Variants in KDM5B observed in about 807,000 individuals in gnomAD.
KDM5B encodes the protein lysine-specific demethylase 5B.
In KDM5B, 144 loss-of-function variants were observed where a neutral mutation model predicts 193.4. That is an observed-to-expected ratio of 0.74 (90% CI 0.65 to 0.86). The LOEUF is 0.86. Among genes scored for constraint, KDM5B ranks in the 40% least tolerant of loss-of-function variants. KDM5B has a pLI of 0.00. For synonymous variants in KDM5B, 668 were observed against 682.6 expected, an observed-to-expected ratio of 0.98 and a Z score of 0.33; for missense variants, 1,833 against 1,886.9, an observed-to-expected ratio of 0.97 and a Z score of 0.53.
At chr1:202,777,153 T>C in intron 1 of KDM5B, 59 bp from the exon 2 acceptor site, 1 of 1,374,266 alleles carries the variant, frequency 7.3e-7, no homozygotes, top group Non-Finnish European at 1.0e-6. Context: ...ATTCAAAAAT[T>C]TGTTTTAAAA....
At chr1:202,771,433 G>A (rs967739465) in intron 4 of KDM5B, among the ~76,000 whole-genome samples, 2 of 150,814 alleles carry the variant, frequency 1.3e-5, no homozygotes, top group African/African-American at 4.9e-5. Flanking sequence ...TAAATGCGGG[G>A]TTTTGCCATG....
rs1654731081 is a variant in KDM5B at position 202,727,919 on chromosome 1, C to T, written c.*1117G>A. ...TTTGAGGATTGAAGTGATTTGCCAA[C>T]ATTCTGAGAAAGCTTATTTTAAAAG... On this transcript the variant is annotated 3_prime_UTR_variant, in exon 27 of 27. Transcript: ENST00000367265. The T allele has an allele frequency of 6.5e-6, 1 of 152,688 alleles. No individual in the cohort carries two copies. The highest frequency in any genetic ancestry group is 2.1e-4 in the South Asian group (1 of 4,836). 9.5% of individuals were successfully genotyped at this position (152,688 alleles called of 1,614,324 possible).
At chr1:202,799,853 G>A (rs1188016855) in intron 1 of KDM5B, among the ~76,000 whole-genome samples, 3 of 152,110 alleles carry the variant, frequency 2.0e-5, no homozygotes, top group African/African-American at 7.2e-5. Flanking sequence ...CTGCCTGGTG[G>A]CATCTCCTAT....
chr1:202,778,671 G>A (rs955396029), intron 1 of KDM5B, among the ~76,000 whole-genome samples: 5 of 152,130 alleles, frequency 3.3e-5, no homozygotes, highest in African/African-American at 1.2e-4. Context: ...CACCCAGGCT[G>A]GAGTACAATG....
chr1:202,767,525 G>C, intron 4 of KDM5B: 1 of 653,590 alleles, frequency 1.5e-6, no homozygotes, highest in Non-Finnish European at 2.7e-6. Flanking sequence ...GGTGTGCAAG[G>C]ACTGAAAGGA....
At chr1:202,729,256 G>C in intron 26 of KDM5B, 83 bp from the exon 27 acceptor site, 1 of 1,514,232 alleles carries the variant, frequency 6.6e-7, no homozygotes, top group South Asian at 1.2e-5. Context: ...AGAAATTCAG[G>C]CCGTTTGCCA....
intron 1 of KDM5B, among the ~76,000 whole-genome samples, chr1:202,790,255 C>T (rs539509090): frequency 1.4e-5 from 2 of 138,718 alleles, no homozygotes; most frequent in African/African-American, 5.0e-5. Context: ...AACAGTGAAA[C>T]TGTCTCATAA....
Position 202,739,951 on chromosome 1 carries a change from G to C in KDM5B, c.3084+723C>G, listed in dbSNP as rs548382605. 2.6e-5 allele frequency among the ~76,000 whole-genome samples: 4 copies of C among 152,102 alleles called. No homozygotes were observed. The South Asian group carries it at 8.3e-4, about 32-fold the overall frequency. The stretch of plus-strand genomic sequence containing the variant: ...TCCCCCCTTTCTATTCCACAAAACC[G>C]CCATTGTCATCCCGGCCCGTTCTCA... On this transcript the variant is annotated intron_variant, in intron 20 of 26. Transcript: ENST00000367265.
chr1:202,747,582 A>C (rs1055690030), intron 14 of KDM5B, among the ~76,000 whole-genome samples: 31 of 151,936 alleles, frequency 2.0e-4, no homozygotes, highest in African/African-American at 3.1e-4. Flanking sequence ...AAAAAAAAAA[A>C]AAAACAGTAT....
At chr1:202,757,006 A>G (rs1322783049) in intron 9 of KDM5B, among the ~76,000 whole-genome samples, 4 of 151,890 alleles carry the variant, frequency 2.6e-5, no homozygotes, top group East Asian at 1.9e-4. Context: ...AGTGGTCGCC[A>G]GTGTCCCTGT....
At chr1:202,807,538 G>A (rs1041751116) in intron 1 of KDM5B, among the ~76,000 whole-genome samples, 16 of 152,072 alleles carry the variant, frequency 1.1e-4, no homozygotes, top group African/African-American at 3.1e-4. Context: ...AGGGTGGGGC[G>A]CCCAGGTGAG....
chr1:202,805,775 C>T (rs1010031684), intron 1 of KDM5B, among the ~76,000 whole-genome samples: 2 of 152,170 alleles, frequency 1.3e-5, no homozygotes, highest in South Asian at 2.1e-4. Flanking sequence ...AGCCTTTGTT[C>T]CAACAAGACC....
intron 1 of KDM5B, among the ~76,000 whole-genome samples, chr1:202,784,532 C>T (rs937811917): frequency 6.6e-6 from 1 of 152,194 alleles, no homozygotes; most frequent in African/African-American, 2.4e-5. Context: ...TAAAAGACCA[C>T]TTTCTCATCA....
At chr1:202,730,250 A>G (rs369321171) in intron 25 of KDM5B, among the ~76,000 whole-genome samples, 5 of 152,320 alleles carry the variant, frequency 3.3e-5, no homozygotes, top group African/African-American at 1.2e-4. Context: ...CCAAAGGATC[A>G]CTGGAAAAAG....
intron 2 of KDM5B, among the ~76,000 whole-genome samples, chr1:202,776,456 C>G (rs930980428): frequency 6.6e-6 from 1 of 151,996 alleles, no homozygotes; most frequent in South Asian, 2.1e-4. Flanking sequence ...GCAGGAGGAT[C>G]GCTTCAGCCC....
rs1032139949 is a variant in KDM5B at position 202,727,865 on chromosome 1, T to C, written c.*1171A>G. 1 of 152,622 alleles carries C rather than the reference T, an allele frequency of 6.6e-6. No homozygotes were observed. Among genetic ancestry groups the C allele is most frequent in the African/African-American group, 2.4e-5 (1 of 41,446 alleles). 9.5% of individuals were successfully genotyped at this position (152,622 alleles called of 1,614,324 possible). A position where few individuals can be genotyped will look rare whatever the true frequency, so the allele number is the denominator to read the frequency against. ...AGTTCCCCTGTCAATTCAAATATAA[T>C]AAAGGCAGCATTCCACAAGGAAGAC... On this transcript the variant is annotated 3_prime_UTR_variant, in exon 27 of 27. Coordinates refer to ENST00000367265, the MANE Select transcript of KDM5B (RefSeq NM_006618.5).
At chr1:202,777,578 C>G (rs146419605) in intron 1 of KDM5B, among the ~76,000 whole-genome samples, 7 of 152,142 alleles carry the variant, frequency 4.6e-5, no homozygotes, top group African/African-American at 1.7e-4. Context: ...GTGGAAACCT[C>G]TGCCTCCTGA....
chr1:202,799,601 C>T (rs979642495), intron 1 of KDM5B, among the ~76,000 whole-genome samples: 2 of 150,180 alleles, frequency 1.3e-5, no homozygotes, highest in South Asian at 2.1e-4. Flanking sequence ...TGCGGTGAGC[C>T]GAGATCACGC....
At chr1:202,731,318 C>T (rs1192361922) in intron 24 of KDM5B, among the ~76,000 whole-genome samples, 1 of 152,156 alleles carries the variant, frequency 6.6e-6, no homozygotes, top group Non-Finnish European at 1.5e-5. Context: ...TCTCATTTAC[C>T]TTATTGCTAA....
Sources: allele counts gnomAD v4.1 joint callset (sites outside exome capture counted in the v4.1 genomes callset), GRCh38; gene constraint gnomAD v4.1.1; transcripts MANE v1.5; gene names NCBI Gene and HGNC (gene_info 2026-07-23, HGNC 2026-07-21).